Variants in RBL1 observed in about 807,000 individuals in gnomAD.
The protein encoded by RBL1 is retinoblastoma-like protein 1.
A neutral mutation model predicts 123.0 loss-of-function variants in RBL1; 82 were observed. The ratio of observed to expected loss-of-function variants is 0.67; its 90% CI spans 0.56 to 0.80. The LOEUF (loss-of-function observed/expected upper bound fraction) is 0.80. RBL1 is among the 30% of genes least tolerant of loss of function. The pLI is 0.00. For missense variants in RBL1, 1,171 were observed against 1,299.6 expected (o/e 0.90, Z 1.52); for synonymous variants, 405 against 441.3 (o/e 0.92, Z 1.03).
intron 11 of RBL1, chr20:37,049,597 G>A: frequency 2.6e-6 from 2 of 756,808 alleles, no homozygotes. Flanking sequence ...CTTTCGTCGA[G>A]AGTGCCCTTC....
rs2065727367 is a variant in RBL1 at position 37,095,769 on chromosome 20, T to G, written c.156+4A>C. ...GTCCGGCCGCCCCACCTGCTGCCGC[T>G]CACCTCTAGGCTGTAGTTGCCTCGG... On this transcript the variant is annotated splice_donor_region_variant and intron_variant, in intron 1 of 21. Coordinates refer to ENST00000373664, the MANE Select transcript of RBL1 (RefSeq NM_002895.5). 1 of 1,583,540 alleles carries G rather than the reference T, an allele frequency of 6.3e-7. No individual in the cohort carries two copies.
Position 37,095,766 on chromosome 20 carries a change from C to T in RBL1, c.156+7G>A, listed in dbSNP as rs373330986. On this transcript the variant is annotated splice_region_variant and intron_variant, in intron 1 of 21. Transcript: ENST00000373664. ...AGGGTCCGGCCGCCCCACCTGCTGC[C>T]GCTCACCTCTAGGCTGTAGTTGCCT... 2.5e-5 allele frequency: 39 copies of T among 1,582,376 alleles called. No individual in the cohort carries two copies. Among genetic ancestry groups the T allele is most frequent in the Non-Finnish European group, 3.0e-5 (35 of 1,159,872 alleles).
chr20:36,999,100 T>G (rs1337905652), intron 21 of RBL1, among the ~76,000 whole-genome samples, 171 bp from the exon 22 acceptor site: 2 of 152,162 alleles, frequency 1.3e-5, no homozygotes, highest in Non-Finnish European at 2.9e-5. Flanking sequence ...CTTGAACTAA[T>G]CTTTTCAGGT....
chr20:37,044,805 G>A (rs1013238950), intron 12 of RBL1, among the ~76,000 whole-genome samples: 2 of 152,142 alleles, frequency 1.3e-5, no homozygotes. Flanking sequence ...TTGAGGCAAC[G>A]ATAGGTGAAA....
At chr20:37,086,988 G>A (rs1231428597) in intron 2 of RBL1, among the ~76,000 whole-genome samples, 4 of 152,182 alleles carry the variant, frequency 2.6e-5, no homozygotes, top group African/African-American at 9.7e-5. Flanking sequence ...TGACTAACCT[G>A]CATCTAATCA....
At chr20:37,085,970 G>C (rs2065539387) in intron 2 of RBL1, among the ~76,000 whole-genome samples, 1 of 151,938 alleles carries the variant, frequency 6.6e-6, no homozygotes, top group Non-Finnish European at 1.5e-5. Context: ...ATTTGAAATG[G>C]AGTCTTGCTC....
intron 2 of RBL1, among the ~76,000 whole-genome samples, chr20:37,088,157 C>T (rs1193196395): frequency 3.3e-5 from 5 of 151,082 alleles, no homozygotes; most frequent in Admixed American, 2.0e-4. Flanking sequence ...CCCAGCTACT[C>T]GGGAGGCTGA....
At chr20:37,070,409 T>C (rs1431262414) in intron 2 of RBL1, among the ~76,000 whole-genome samples, 2 of 151,794 alleles carry the variant, frequency 1.3e-5, no homozygotes, top group Non-Finnish European at 2.9e-5. Context: ...TTCCCTCCAC[T>C]ATTGTCCTAT....
At chr20:37,007,702 C>A in intron 19 of RBL1, 143 bp from the exon 20 acceptor site, 1 of 727,612 alleles carries the variant, frequency 1.4e-6, no homozygotes, top group Non-Finnish European at 2.1e-6. Context: ...AAGTGATCCT[C>A]CCATCTCAGC....
intron 11 of RBL1, among the ~76,000 whole-genome samples, chr20:37,054,142 A>C (rs902116741): frequency 2.6e-5 from 4 of 152,086 alleles, no homozygotes; most frequent in Non-Finnish European, 5.9e-5. Context: ...GATGTGTGGG[A>C]CTTCTCTGTA....
chr20:37,038,475 A>AG (rs2064666554), intron 14 of RBL1, among the ~76,000 whole-genome samples: 1 of 123,910 alleles, frequency 8.1e-6, no homozygotes, highest in Non-Finnish European at 1.7e-5. Flanking sequence ...TAATTTTTGT[A>AG]TTTTTAGTAG....
chr20:37,049,177 G>A lies in RBL1; in HGVS notation c.1468-1987C>T, dbSNP rs186807139. The A allele has an allele frequency of 1.9e-5, 6 of 313,510 alleles. No individual in the cohort carries two copies. The East Asian group carries it at 2.2e-4, about 12-fold the overall frequency. 19.4% of individuals were successfully genotyped at this position (313,510 alleles called of 1,614,324 possible). A position where few individuals can be genotyped will look rare whatever the true frequency, so the allele number is the denominator to read the frequency against. ...AGGTCATGCTACTGCACTCCAGCCA[G>A]GGTGACAGGGCGAGACTCTGTCCCA... On this transcript the variant is annotated intron_variant, in intron 11 of 21. Coordinates refer to ENST00000373664, the MANE Select transcript of RBL1 (RefSeq NM_002895.5).
chr20:37,001,771 GAAAAAA>G (rs1241710765), intron 21 of RBL1, among the ~76,000 whole-genome samples: 4 of 109,618 alleles, frequency 3.6e-5, no homozygotes, highest in African/African-American at 1.3e-4. Context: ...AAAAAAAATG[GAAAAAA>G]AAAAAAAAAG....
intron 2 of RBL1, among the ~76,000 whole-genome samples, chr20:37,068,849 C>G (rs2065226814): frequency 6.6e-6 from 1 of 152,116 alleles, no homozygotes; most frequent in Non-Finnish European, 1.5e-5. Flanking sequence ...CTCTCCCTCT[C>G]CCCACGGTCT....
chr20:37,003,662 C>CT, intron 21 of RBL1, 40 bp downstream of exon 21: 1 of 1,530,730 alleles, frequency 6.5e-7, no homozygotes, highest in Non-Finnish European at 8.8e-7. Context: ...CAGTTACTGA[C>CT]TGTTAATCTG....
At chr20:37,076,616 G>C (rs548408993) in intron 2 of RBL1, among the ~76,000 whole-genome samples, 1 of 152,150 alleles carries the variant, frequency 6.6e-6, no homozygotes, top group Non-Finnish European at 1.5e-5. Flanking sequence ...TTTATTTCTC[G>C]AATTTTCCAT....
At chr20:37,058,335 G>T (rs188519383) in intron 9 of RBL1, among the ~76,000 whole-genome samples, 24 of 151,548 alleles carry the variant, frequency 1.6e-4, no homozygotes, top group African/African-American at 5.8e-4. Flanking sequence ...GGCCAACATG[G>T]TGAAACCCCA....
chr20:37,070,485 A>T (rs1397435409), intron 2 of RBL1, among the ~76,000 whole-genome samples: 3 of 147,330 alleles, frequency 2.0e-5, no homozygotes, highest in African/African-American at 7.9e-5. Flanking sequence ...AATAAATTTA[A>T]AAAAAAAAAC....
chr20:37,068,200 G>A lies in RBL1; in HGVS notation c.291-14C>T. On this transcript the variant is annotated splice_polypyrimidine_tract_variant and intron_variant, in intron 2 of 21. Coordinates refer to ENST00000373664, the MANE Select transcript of RBL1 (RefSeq NM_002895.5). ...AATTGTATTAAACTAAAAAAAAAAA[G>A]GAGGAGAAAAAAGGCACCTTTAAAA... 2.0e-6 allele frequency: 3 copies of A among 1,528,332 alleles called. No individual in the cohort carries two copies. The South Asian group carries it at 3.8e-5, about 19-fold the overall frequency. 94.7% of individuals were successfully genotyped at this position (1,528,332 alleles called of 1,614,324 possible). A position where few individuals can be genotyped will look rare whatever the true frequency, so the allele number is the denominator to read the frequency against.
Sources: allele counts gnomAD v4.1 joint callset (sites outside exome capture counted in the v4.1 genomes callset), GRCh38; gene constraint gnomAD v4.1.1; transcripts MANE v1.5; gene names NCBI Gene and HGNC (gene_info 2026-07-23, HGNC 2026-07-21).